Variants in KCNJ3 observed in about 807,000 individuals in gnomAD.
The protein encoded by KCNJ3 is G protein-activated inward rectifier potassium channel 1.
A neutral mutation model predicts 39.2 loss-of-function variants in KCNJ3; 4 were observed. That is an observed-to-expected ratio of 0.10 (90% CI 0.05 to 0.23). The LOEUF (loss-of-function observed/expected upper bound fraction) is 0.23, where lower values mean the gene tolerates loss of function less well. Ranked by LOEUF, KCNJ3 falls within the 10% of genes least tolerant of loss-of-function variation. The probability of loss-of-function intolerance (pLI) is 1.00; values close to 1 mark genes in which losing one functional copy is unlikely to be tolerated. For missense variants in KCNJ3, 276 were observed against 634.9 expected, an observed-to-expected ratio of 0.43 and a Z score of 6.08; for synonymous variants, 230 against 237.4, an observed-to-expected ratio of 0.97 and a Z score of 0.29.
intron 2 of KCNJ3, among the ~76,000 whole-genome samples, chr2:154,762,859 G>A (rs144844051): frequency 3.3e-5 from 5 of 152,278 alleles, no homozygotes; most frequent in South Asian, 2.1e-4. Flanking sequence ...TGGTTAGAGG[G>A]CTGGGAAGCT....
At chr2:154,765,549 C>G (rs1256179443) in intron 2 of KCNJ3, among the ~76,000 whole-genome samples, 2 of 152,182 alleles carry the variant, frequency 1.3e-5, no homozygotes, top group East Asian at 3.9e-4. Context: ...ACTGAATGAT[C>G]TTTGATTTTG....
chr2:154,713,488 G>A (rs532533079), intron 2 of KCNJ3, among the ~76,000 whole-genome samples: 13 of 152,016 alleles, frequency 8.6e-5, no homozygotes, highest in Non-Finnish European at 1.2e-4. Flanking sequence ...CAGGAGTGGT[G>A]GGGGGAGGGA....
At chr2:154,755,241 T>G (rs1685917169) in intron 2 of KCNJ3, among the ~76,000 whole-genome samples, 1 of 152,138 alleles carries the variant, frequency 6.6e-6, no homozygotes, top group Non-Finnish European at 1.5e-5. Context: ...ATTTATTCTA[T>G]TACCATTCTT....
At chr2:154,817,186 G>C (rs1687098082) in intron 2 of KCNJ3, among the ~76,000 whole-genome samples, 1 of 152,006 alleles carries the variant, frequency 6.6e-6, no homozygotes. Flanking sequence ...TACTTCTTTT[G>C]CATTCCAATA....
intron 2 of KCNJ3, among the ~76,000 whole-genome samples, chr2:154,724,917 G>GTATATATATCTATATATA (rs1553454966): frequency 8.6e-6 from 1 of 116,316 alleles, no homozygotes; most frequent in Admixed American, 8.5e-5. Flanking sequence ...TACATATGAG[G>GTATATATATCTATATATA]TATATATATA....
At chr2:154,824,398 T>C (rs1218945622) in intron 2 of KCNJ3, among the ~76,000 whole-genome samples, 2 of 152,178 alleles carry the variant, frequency 1.3e-5, no homozygotes, top group African/African-American at 2.4e-5. Context: ...TGTCATATTA[T>C]TTTTATTAAT....
chr2:154,818,679 T>C (rs1375108749), intron 2 of KCNJ3, among the ~76,000 whole-genome samples: 2 of 152,184 alleles, frequency 1.3e-5, no homozygotes, highest in Non-Finnish European at 2.9e-5. Flanking sequence ...TGCCATTCTA[T>C]ACTTATTTTG....
chr2:154,752,366 A>C (rs950405125), intron 2 of KCNJ3, among the ~76,000 whole-genome samples: 3 of 152,050 alleles, frequency 2.0e-5, no homozygotes, highest in African/African-American at 4.8e-5. Flanking sequence ...TATAAACTAC[A>C]AAATACAGAT....
intron 2 of KCNJ3, among the ~76,000 whole-genome samples, chr2:154,853,857 G>GA (rs1057005185): frequency 2.0e-5 from 3 of 152,214 alleles, no homozygotes; most frequent in Middle Eastern, 6.8e-3. Context: ...TTGATAAACT[G>GA]AAAAAATTTA....
chr2:154,771,375 A>G (rs997466794), intron 2 of KCNJ3, among the ~76,000 whole-genome samples: 9 of 152,200 alleles, frequency 5.9e-5, no homozygotes, highest in Admixed American at 5.9e-4. Flanking sequence ...CTAAATTGCA[A>G]ATATATCAAA....
chr2:154,744,204 A>G (rs4525644), intron 2 of KCNJ3, among the ~76,000 whole-genome samples: 94,953 of 151,282 alleles, frequency 0.63, 31,152 homozygotes, highest in African/African-American at 0.83. Flanking sequence ...CTTGGTTATG[A>G]TGTATAGTTC....
intron 2 of KCNJ3, among the ~76,000 whole-genome samples, chr2:154,801,334 T>G (rs1321595155): frequency 1.3e-5 from 2 of 152,274 alleles, no homozygotes; most frequent in Non-Finnish European, 2.9e-5. Flanking sequence ...TATTTATAAA[T>G]CCCATAGTTT....
chr2:154,806,933 G>C (rs1476575284), intron 2 of KCNJ3, among the ~76,000 whole-genome samples: 2 of 152,166 alleles, frequency 1.3e-5, no homozygotes, highest in African/African-American at 2.4e-5. Flanking sequence ...GTTTCACCTT[G>C]GTCTCAAAGA....
chr2:154,712,198 C>T (rs1347005515), intron 2 of KCNJ3, among the ~76,000 whole-genome samples: 1 of 152,160 alleles, frequency 6.6e-6, no homozygotes, highest in Admixed American at 6.5e-5. Flanking sequence ...CCAGACCTCC[C>T]TGAGCCTGGT....
chr2:154,812,115 G>A (rs1297283981), intron 2 of KCNJ3, among the ~76,000 whole-genome samples: 1 of 152,118 alleles, frequency 6.6e-6, no homozygotes, highest in Non-Finnish European at 1.5e-5. Context: ...CATTTTAAGA[G>A]CATTGCAAAA....
At chr2:154,774,192 C>T (rs1056709024) in intron 2 of KCNJ3, among the ~76,000 whole-genome samples, 8 of 152,066 alleles carry the variant, frequency 5.3e-5, no homozygotes, top group South Asian at 4.1e-4. Context: ...GACATATATT[C>T]TCAAAATGAA....
intron 2 of KCNJ3, among the ~76,000 whole-genome samples, chr2:154,835,421 T>TATATGAATATATAACATTCATGA (rs1687439565): frequency 7.3e-6 from 1 of 137,474 alleles, no homozygotes; most frequent in Non-Finnish European, 1.6e-5. Context: ...TTGCAGATTA[T>TATATGAATATATAACATTCATGA]ATATGAATAT....
intron 2 of KCNJ3, among the ~76,000 whole-genome samples, chr2:154,762,918 T>C (rs1342882832): frequency 1.3e-5 from 2 of 152,182 alleles, no homozygotes; most frequent in African/African-American, 2.4e-5. Flanking sequence ...GAGGAGTGGA[T>C]AAAATGCCTT....
At chr2:154,853,674 G>A (rs950944741) in intron 2 of KCNJ3, among the ~76,000 whole-genome samples, 4 of 152,006 alleles carry the variant, frequency 2.6e-5, no homozygotes, top group Admixed American at 6.6e-5. Flanking sequence ...ACTAATATGA[G>A]ACAGAAACTT....
Sources: gnomAD v4.1 joint callset for allele counts (sites outside exome capture counted in the v4.1 genomes callset) on GRCh38, gnomAD v4.1.1 for gene constraint, MANE v1.5 for transcripts, NCBI Gene and HGNC (gene_info 2026-07-23, HGNC 2026-07-21) for gene names.